Variants in SP100 observed in about 807,000 individuals in gnomAD.
SP100 encodes SP100 nuclear body protein.
SP100 carries 84 observed loss-of-function variants against 130.0 expected under a neutral mutation model. The ratio of observed to expected loss-of-function variants is 0.65; its 90% CI spans 0.54 to 0.77. The LOEUF (loss-of-function observed/expected upper bound fraction) is 0.77, where lower values mean the gene tolerates loss of function less well. Ranked by LOEUF, SP100 falls within the 30% of genes least tolerant of loss-of-function variation. The pLI, the probability that SP100 is intolerant of heterozygous loss-of-function variation, is 0.00. For missense variants in SP100, 978 were observed against 1,052.2 expected (o/e 0.93, Z 0.97); for synonymous variants, 331 against 351.7 (o/e 0.94, Z 0.66).
chr2:230,474,528 T>G, intron 17 of SP100, 81 bp downstream of exon 17: 1 of 744,264 alleles, frequency 1.3e-6, no homozygotes, highest in East Asian at 2.7e-5. Flanking sequence ...ATCATCATTT[T>G]CTTTTTTCAA....
chr2:230,434,189 G>A (rs546843435), intron 2 of SP100, among the ~76,000 whole-genome samples: 157 of 151,962 alleles, frequency 1.0e-3, no homozygotes, highest in African/African-American at 3.5e-3. Context: ...ATCTAAACAT[G>A]ATGTTTTCAC....
Position 230,545,584 on chromosome 2 carries a change from T to TA in SP100, c.*2646dup, listed in dbSNP as rs1314651536. Among the ~76,000 whole-genome samples the TA allele has an allele frequency of 6.6e-6, 1 of 152,030 alleles. No homozygotes were observed. The highest frequency in any genetic ancestry group is 6.5e-5 in the Admixed American group (1 of 15,270). ...TTTTAATTGTAAATAAATGGATCAT[T>TA]AAAAAAAATTTTAATAATAAAATTG... is the stretch of plus-strand genomic sequence containing the variant. On this transcript the variant is annotated 3_prime_UTR_variant, in exon 29 of 29. Coordinates refer to ENST00000340126, the MANE Select transcript of SP100 (RefSeq NM_001080391.2).
At chr2:230,418,335 T>C (rs1450504733) in intron 2 of SP100, among the ~76,000 whole-genome samples, 1 of 152,236 alleles carries the variant, frequency 6.6e-6, no homozygotes, top group Non-Finnish European at 1.5e-5. Flanking sequence ...GGGATCTTAA[T>C]TGGTTTCTGT....
chr2:230,470,104 G>A lies in SP100; in HGVS notation c.1429+6G>A, dbSNP rs2149992193. 6.2e-7 allele frequency: 1 copy of A among 1,603,162 alleles called. No individual in the cohort carries two copies. Among genetic ancestry groups the A allele is most frequent in the Non-Finnish European group, 8.5e-7 (1 of 1,174,418 alleles). On this transcript the variant is annotated splice_donor_region_variant and intron_variant, in intron 15 of 28. Coordinates refer to ENST00000340126, the MANE Select transcript of SP100 (RefSeq NM_001080391.2). ...ATCCCTAAGAAGAGGGTCAGGTAAAGAAGATTAGGATGCCAAGACTTGGCC... is the reference window on the plus strand; with the variant it reads ...ATCCCTAAGAAGAGGGTCAGGTAAAAAAGATTAGGATGCCAAGACTTGGCC...
chr2:230,541,044 G>A, intron 26 of SP100, 48 bp downstream of exon 26: 2 of 1,577,516 alleles, frequency 1.3e-6, no homozygotes, highest in Non-Finnish European at 1.7e-6. Flanking sequence ...GTTCACCTGG[G>A]CAGGAGAAGC....
chr2:230,457,343 G>T (rs909732896), intron 8 of SP100, among the ~76,000 whole-genome samples: 2 of 152,174 alleles, frequency 1.3e-5, no homozygotes, highest in Non-Finnish European at 2.9e-5. Context: ...TTTGGCACTC[G>T]GTCTGGTCTG....
chr2:230,460,084 T>C (rs1200828522), intron 8 of SP100, among the ~76,000 whole-genome samples: 1 of 152,218 alleles, frequency 6.6e-6, no homozygotes, highest in Non-Finnish European at 1.5e-5. Flanking sequence ...GGGAAAACAG[T>C]TTGGGGTAAT....
At chr2:230,475,116 G>A (rs2065474983) in intron 17 of SP100, among the ~76,000 whole-genome samples, 1 of 152,130 alleles carries the variant, frequency 6.6e-6, no homozygotes, top group African/African-American at 2.4e-5. Flanking sequence ...TTGCCACACT[G>A]TCTTCCACAA....
chr2:230,462,197 G>A (rs1168676591), intron 9 of SP100, among the ~76,000 whole-genome samples: 3 of 152,068 alleles, frequency 2.0e-5, no homozygotes, highest in Admixed American at 6.6e-5. Context: ...TAGAATGAGG[G>A]TTGGGGTAAG....
At chr2:230,468,899 A>ACT in intron 13 of SP100, 144 bp from the exon 14 acceptor site, 2 of 498,958 alleles carry the variant, frequency 4.0e-6, no homozygotes, top group Non-Finnish European at 7.1e-6. Context: ...ATTTGATAGT[A>ACT]ATCTCTTTCC....
intron 17 of SP100, among the ~76,000 whole-genome samples, chr2:230,483,911 T>C (rs763806498): frequency 2.0e-5 from 3 of 152,226 alleles, no homozygotes; most frequent in Non-Finnish European, 4.4e-5. Context: ...CATAACCTTG[T>C]TTTATATGTG....
intron 24 of SP100, among the ~76,000 whole-genome samples, chr2:230,533,132 C>A (rs1691783160): frequency 6.6e-6 from 1 of 152,184 alleles, no homozygotes; most frequent in South Asian, 2.1e-4. Flanking sequence ...TGTGCTTAAT[C>A]TCATTTTGTC....
chr2:230,429,380 CA>C (rs987210235), intron 2 of SP100, among the ~76,000 whole-genome samples: 1 of 152,122 alleles, frequency 6.6e-6, no homozygotes, highest in African/African-American at 2.4e-5. Flanking sequence ...TTGCTGCTTT[CA>C]AAATATTGTC....
intron 17 of SP100, among the ~76,000 whole-genome samples, chr2:230,479,376 T>C (rs1275235172): frequency 6.6e-6 from 1 of 152,238 alleles, no homozygotes; most frequent in Non-Finnish European, 1.5e-5. Flanking sequence ...TAAAATACTT[T>C]CTGCATTTTA....
intron 2 of SP100, among the ~76,000 whole-genome samples, chr2:230,424,437 C>T (rs2062859348): frequency 6.6e-6 from 1 of 152,124 alleles, no homozygotes; most frequent in East Asian, 1.9e-4. Context: ...GAAGCTGAGG[C>T]AGGCGGATCA....
At chr2:230,462,779 G>A (rs2064727205) in intron 10 of SP100, 1 of 449,946 alleles carries the variant, frequency 2.2e-6, no homozygotes, top group Non-Finnish European at 4.1e-6. Context: ...TGATTATATA[G>A]TAGGAATAGG....
At chr2:230,473,463 G>T in intron 16 of SP100, 23 bp downstream of exon 16, 1 of 1,415,366 alleles carries the variant, frequency 7.1e-7, no homozygotes, top group Middle Eastern at 1.8e-4. Context: ...TAGGGTCTTG[G>T]GATGGAAGTG....
At chr2:230,534,026 CA>C (rs1274077576) in intron 24 of SP100, among the ~76,000 whole-genome samples, 28 of 151,812 alleles carry the variant, frequency 1.8e-4, no homozygotes, top group African/African-American at 6.0e-4. Context: ...CTACAGGGTG[CA>C]AAAAAAGGAG....
intron 10 of SP100, 182 bp downstream of exon 10, chr2:230,462,700 T>C: frequency 5.2e-6 from 3 of 582,092 alleles, no homozygotes; most frequent in East Asian, 3.0e-5. Flanking sequence ...GAAATTGTTA[T>C]AAACTTATTT....
Sources: allele counts gnomAD v4.1 joint callset (sites outside exome capture counted in the v4.1 genomes callset), GRCh38; gene constraint gnomAD v4.1.1; transcripts MANE v1.5; gene names NCBI Gene and HGNC (gene_info 2026-07-23, HGNC 2026-07-21).